The following ITGA6 variants were observed in gnomAD, a reference collection of about 807,000 sequenced individuals.
ITGA6 encodes the protein integrin subunit alpha 6, also known as integrin alpha-6.
Under a neutral mutation model 133.6 loss-of-function variants are expected in ITGA6, and 63 were observed. The ratio of observed to expected loss-of-function variants is 0.47; its 90% confidence interval spans 0.38 to 0.58. ITGA6 has a LOEUF of 0.58. Ranked by LOEUF, ITGA6 falls within the 20% of genes least tolerant of loss-of-function variation. The pLI is 0.00. For missense variants in ITGA6, 1,068 were observed against 1,309.4 expected (o/e 0.82, Z 2.85); for synonymous variants, 434 against 482.0 (o/e 0.90, Z 1.30).
At chr2:172,461,251 G>A (rs955070830) in intron 1 of ITGA6, among the ~76,000 whole-genome samples, 8 of 151,946 alleles carry the variant, frequency 5.3e-5, no homozygotes, top group Non-Finnish European at 7.4e-5. Flanking sequence ...ATTTCTTATC[G>A]TTAAAGATGA....
intron 1 of ITGA6, among the ~76,000 whole-genome samples, chr2:172,451,113 C>T (rs756599716): frequency 1.3e-5 from 2 of 151,020 alleles, no homozygotes; most frequent in African/African-American, 2.4e-5. Context: ...CAAGATTGCA[C>T]CACTGCACTC....
At chr2:172,431,224 A>C (rs192728759) in intron 1 of ITGA6, among the ~76,000 whole-genome samples, 1 of 152,328 alleles carries the variant, frequency 6.6e-6, no homozygotes, top group African/African-American at 2.4e-5. Flanking sequence ...CATCTAGTCC[A>C]ACTGCCTCTT....
chr2:172,428,092 G>T, intron 1 of ITGA6, 122 bp downstream of exon 1: 1 of 963,702 alleles, frequency 1.0e-6, no homozygotes, highest in Non-Finnish European at 1.4e-6. Flanking sequence ...CGCCCGGGCC[G>T]GCCGAGGCGC....
chr2:172,451,410 A>T (rs1396898844), intron 1 of ITGA6, among the ~76,000 whole-genome samples: 1 of 151,382 alleles, frequency 6.6e-6, no homozygotes, highest in Non-Finnish European at 1.5e-5. Flanking sequence ...GGTTGCAGTG[A>T]GCCAAGATCG....
In ITGA6 at chr2:172,459,798, A is replaced by G. The variant is rs527774600; in HGVS notation, c.183-5741A>G. 9.2e-5 allele frequency among the ~76,000 whole-genome samples: 14 copies of G among 152,342 alleles called. 1 individual carries two copies. The highest frequency in any genetic ancestry group is 3.4e-4 in the African/African-American group (14 of 41,584). ...TCCAGTTACCCCAGGATAGCCATGA[A>G]GGGCTGTTCCAGCATGATCCTGTGT... On this transcript the variant is annotated intron_variant, in intron 1 of 25. Coordinates refer to ENST00000684293, the MANE Select transcript of ITGA6 (RefSeq NM_000210.4).
chr2:172,489,825 AG>A (rs1686845891), intron 20 of ITGA6, 167 bp downstream of exon 20: 2 of 655,056 alleles, frequency 3.1e-6, no homozygotes, highest in Non-Finnish European at 5.3e-6. Context: ...AGGGAGGCTG[AG>A]GCATTTTTGC....
intron 1 of ITGA6, among the ~76,000 whole-genome samples, chr2:172,430,218 C>A (rs941887052): frequency 6.6e-6 from 1 of 152,182 alleles, no homozygotes; most frequent in African/African-American, 2.4e-5. Flanking sequence ...GTGCTTAATG[C>A]CTGTCTGGCA....
chr2:172,476,506 A>G lies in ITGA6; in HGVS notation c.1381A>G (p.Ile461Val). The G allele has an allele frequency of 1.3e-6, 2 of 1,541,584 alleles. No homozygotes were observed. The highest frequency in any genetic ancestry group is 2.2e-5 in the South Asian group (2 of 89,654). ...TGGTTCCCTCTCAGATTCAGTAACTATTTTCAGGTCTGTTATCTATGATTT... is the reference window on the plus strand; with the variant it reads ...TGGTTCCCTCTCAGATTCAGTAACTGTTTTCAGGTCTGTTATCTATGATTT... ...AVGSLSDSVT[I>V]FRSRPVINIQ... The change falls in exon 9 of 26, where the codon ATT (isoleucine) becomes GTT (valine). Residue 461 changes from isoleucine (I) to valine (V), a missense_variant. This residue lies in a region of ITGA6 where 317 missense variants were observed against 456.9 expected (regional missense o/e 0.69). Transcript: ENST00000684293.
intron 1 of ITGA6, among the ~76,000 whole-genome samples, chr2:172,455,840 T>C (rs988122706): frequency 6.6e-6 from 1 of 152,132 alleles, no homozygotes; most frequent in Non-Finnish European, 1.5e-5. Context: ...CACACCAACA[T>C]GCATATAGGC....
intron 1 of ITGA6, among the ~76,000 whole-genome samples, chr2:172,437,407 A>T (rs997444304): frequency 1.3e-5 from 2 of 152,198 alleles, no homozygotes; most frequent in Non-Finnish European, 2.9e-5. Context: ...AAGTAGAGTC[A>T]ACAGGATTTC....
intron 2 of ITGA6, among the ~76,000 whole-genome samples, chr2:172,466,634 CAT>C (rs1430640938): frequency 1.3e-4 from 20 of 152,208 alleles, no homozygotes; most frequent in African/African-American, 3.9e-4. Context: ...AAAGAAATAA[CAT>C]GTGTTCTTTT....
chr2:172,437,121 G>GTA (rs1465590630), intron 1 of ITGA6, among the ~76,000 whole-genome samples: 1 of 152,216 alleles, frequency 6.6e-6, no homozygotes, highest in Non-Finnish European at 1.5e-5. Flanking sequence ...GAGGCAGATT[G>GTA]TATAGGGCCT....
At position 172,475,474 on chromosome 2, in the gene ITGA6, A is replaced by C. The variant is rs533976442; in HGVS notation, c.1181-123A>C. 1.0e-4 allele frequency: 78 copies of C among 763,812 alleles called. No homozygotes were observed. The East Asian group carries it at 1.1e-3, about 11-fold the overall frequency. The allele number at this position is 763,812 out of a possible 1,614,324, so 47.3% of individuals were successfully genotyped here. Reference sequence around the variant, plus strand: ...GCGAAACTCCATCTCAAAAAAAACAAAAAAAAACCCCGAAAAAGCCAAACA... The same window carrying C: ...GCGAAACTCCATCTCAAAAAAAACACAAAAAAACCCCGAAAAAGCCAAACA... On this transcript the variant is annotated intron_variant, in intron 7 of 25. Coordinates refer to ENST00000684293, the MANE Select transcript of ITGA6 (RefSeq NM_000210.4).
chr2:172,476,707 G>GGAAAACATA (rs1686190087), intron 9 of ITGA6, among the ~76,000 whole-genome samples, 194 bp downstream of exon 9: 1 of 151,916 alleles, frequency 6.6e-6, no homozygotes, highest in South Asian at 2.1e-4. Flanking sequence ...AAGTATCTGA[G>GGAAAACATA]GAAAACATAG....
chr2:172,445,528 A>G (rs1335143905), intron 1 of ITGA6, among the ~76,000 whole-genome samples: 1 of 151,228 alleles, frequency 6.6e-6, no homozygotes, highest in Non-Finnish European at 1.5e-5. Context: ...GGGCGCCTGT[A>G]GTCCCAGCTA....
At chr2:172,470,076 A>G (rs1008639560) in intron 4 of ITGA6, among the ~76,000 whole-genome samples, 2 of 152,236 alleles carry the variant, frequency 1.3e-5, no homozygotes, top group African/African-American at 4.8e-5. Context: ...TCTGATTTGG[A>G]AATAAGCCAT....
intron 1 of ITGA6, among the ~76,000 whole-genome samples, chr2:172,452,559 A>G (rs940746702): frequency 2.6e-5 from 4 of 152,222 alleles, no homozygotes; most frequent in African/African-American, 7.2e-5. Flanking sequence ...GACCCCATCA[A>G]TAGGAATAGG....
chr2:172,468,716 T>C (rs1685788712), intron 3 of ITGA6, among the ~76,000 whole-genome samples: 1 of 152,216 alleles, frequency 6.6e-6, no homozygotes, highest in African/African-American at 2.4e-5. Context: ...CCATGATTTC[T>C]CTCCTCTAGA....
intron 5 of ITGA6, chr2:172,472,785 T>C: frequency 6.2e-7 from 1 of 1,611,202 alleles, no homozygotes; most frequent in Non-Finnish European, 8.5e-7. Flanking sequence ...CCTGCTGTTT[T>C]TGACCAGCGT....
Sources: gnomAD v4.1 joint callset for allele counts (sites outside exome capture counted in the v4.1 genomes callset) on GRCh38, gnomAD v4.1.1 for gene constraint, gnomAD v4.1.1 regional missense constraint, MANE v1.5 for transcripts, NCBI Gene and HGNC (gene_info 2026-07-23, HGNC 2026-07-21) for gene names.